The following SH3PXD2B variants were observed in gnomAD, a reference collection of about 807,000 sequenced individuals.
SH3PXD2B encodes SH3 and PX domain-containing protein 2B.
In SH3PXD2B, 37 loss-of-function variants were observed where a neutral mutation model predicts 73.1. That is an observed-to-expected ratio of 0.51 (90% CI 0.39 to 0.67). The LOEUF (loss-of-function observed/expected upper bound fraction) is 0.67, where lower values mean the gene tolerates loss of function less well. Ranked by LOEUF, SH3PXD2B falls within the 30% of genes least tolerant of loss-of-function variation. The probability of loss-of-function intolerance (pLI) is 0.00; values close to 1 mark genes in which losing one functional copy is unlikely to be tolerated. For synonymous variants in SH3PXD2B, 457 were observed against 480.5 expected, an observed-to-expected ratio of 0.95 and a Z score of 0.64; for missense variants, 1,053 against 1,197.8, an observed-to-expected ratio of 0.88 and a Z score of 1.78.
intron 10 of SH3PXD2B, among the ~76,000 whole-genome samples, chr5:172,349,745 TAGA>T (rs1340705322): frequency 6.6e-6 from 1 of 152,220 alleles, no homozygotes; most frequent in East Asian, 1.9e-4. Context: ...TTAGACTAAT[TAGA>T]AGGTTTCTGG....
intron 1 of SH3PXD2B, among the ~76,000 whole-genome samples, chr5:172,448,061 A>G (rs567262890): frequency 9.5e-4 from 145 of 152,288 alleles, no homozygotes; most frequent in South Asian, 4.4e-3. Flanking sequence ...AGAAAAACCT[A>G]CCCAAGGGGC....
intron 1 of SH3PXD2B, among the ~76,000 whole-genome samples, chr5:172,432,974 G>A (rs115766981): frequency 1.4e-4 from 21 of 150,406 alleles, no homozygotes; most frequent in African/African-American, 4.9e-4. Context: ...ATGTATGTGC[G>A]TTTGTGTGTC....
At chr5:172,426,895 TG>T (rs1340339274) in intron 1 of SH3PXD2B, among the ~76,000 whole-genome samples, 1 of 152,236 alleles carries the variant, frequency 6.6e-6, no homozygotes, top group East Asian at 1.9e-4. Context: ...ATTTCCCAGA[TG>T]CAAGACAAAA....
chr5:172,378,140 C>T (rs1026183966), intron 5 of SH3PXD2B, among the ~76,000 whole-genome samples: 2 of 152,208 alleles, frequency 1.3e-5, no homozygotes, highest in Non-Finnish European at 1.5e-5. Context: ...CCTTTGTCCC[C>T]GAGTGTCCTT....
downstream of SH3PXD2B, among the ~76,000 whole-genome samples, chr5:172,329,535 T>C (rs144670879): frequency 1.2e-3 from 139 of 114,210 alleles, 2 homozygotes; most frequent in East Asian, 0.027. Flanking sequence ...TGGATCTTTG[T>C]TATTCTTTTT....
chr5:172,406,311 C>G lies in SH3PXD2B; in HGVS notation c.198G>C (p.Lys66Asn). The change falls in exon 3 of 13, where the codon AAG becomes AAC. Residue 66 changes from lysine to asparagine, a missense_variant. Lys to Asn is a moderately conservative substitution (Grantham distance 94). Coordinates refer to ENST00000311601, the MANE Select transcript of SH3PXD2B (RefSeq NM_001017995.3). ...AGGGGATGATCCGCTGCTTGGGGTC[C>G]TTCTGTCCTCCTTCCATGGGAAATT... Reference protein sequence around the residue: ...LDKFPMEGGQKDPKQRIIPFL... With the variant: ...LDKFPMEGGQNDPKQRIIPFL... The G allele has an allele frequency of 6.2e-7, 1 of 1,614,108 alleles. No individual in the cohort carries two copies. The highest frequency in any genetic ancestry group is 1.1e-5 in the South Asian group (1 of 91,082).
At chr5:172,364,102 G>A (rs1434365024) in intron 6 of SH3PXD2B, among the ~76,000 whole-genome samples, 1 of 152,126 alleles carries the variant, frequency 6.6e-6, no homozygotes. Context: ...CCCTGGTTAA[G>A]CGCTAAGACA....
intron 8 of SH3PXD2B, chr5:172,356,648 G>C (rs1757283639): frequency 6.6e-6 from 1 of 152,308 alleles, no homozygotes; most frequent in Non-Finnish European, 1.5e-5. Flanking sequence ...GCAGGGACCT[G>C]GGTCCAAACA....
intron 1 of SH3PXD2B, among the ~76,000 whole-genome samples, chr5:172,431,951 C>A (rs770423363): frequency 6.6e-6 from 1 of 152,076 alleles, no homozygotes; most frequent in Admixed American, 6.6e-5. Context: ...CCAAGGTGAG[C>A]GGATCACCTG....
rs886060418 is a variant in SH3PXD2B at position 172,337,714 on chromosome 5, T to TAGA, written c.*652_*654dup. 47 of 992,114 alleles carry TAGA rather than the reference T, an allele frequency of 4.7e-5. No individual in the cohort carries two copies. The highest frequency in any genetic ancestry group is 5.2e-5 in the Non-Finnish European group (43 of 834,066). The allele number at this position is 992,114 out of a possible 1,614,324, so 61.5% of individuals were successfully genotyped here. ...TTCAGGGCTGACCACGGTCCCAAGA[T>TAGA]AGAAGGTGGGAGGCAGGGCGGCTGA... On this transcript the variant is annotated 3_prime_UTR_variant, in exon 13 of 13. Coordinates refer to ENST00000311601, the MANE Select transcript of SH3PXD2B (RefSeq NM_001017995.3).
At chr5:172,453,019 T>C (rs949949710) in intron 1 of SH3PXD2B, among the ~76,000 whole-genome samples, 4 of 152,150 alleles carry the variant, frequency 2.6e-5, no homozygotes, top group African/African-American at 9.7e-5. Flanking sequence ...CAGCACACCC[T>C]TTCTTGTGGA....
intron 4 of SH3PXD2B, among the ~76,000 whole-genome samples, chr5:172,388,309 C>T (rs1376294967): frequency 6.6e-6 from 1 of 152,110 alleles, no homozygotes; most frequent in Non-Finnish European, 1.5e-5. Flanking sequence ...TATGATAGAT[C>T]AAATTGGCTT....
chr5:172,396,056 G>A (rs1215730793), intron 3 of SH3PXD2B, among the ~76,000 whole-genome samples: 1 of 152,020 alleles, frequency 6.6e-6, no homozygotes, highest in Non-Finnish European at 1.5e-5. Context: ...GGATGGCATA[G>A]AAAAGTCTAG....
chr5:172,355,013 T>C (rs1395077591), intron 8 of SH3PXD2B, among the ~76,000 whole-genome samples: 1 of 152,170 alleles, frequency 6.6e-6, no homozygotes, highest in African/African-American at 2.4e-5. Flanking sequence ...CAGTGTTATC[T>C]GCTCTGGCAG....
At chr5:172,326,206 C>A (rs1159731294) in intron 12 of SH3PXD2B, among the ~76,000 whole-genome samples, 1 of 152,208 alleles carries the variant, frequency 6.6e-6, no homozygotes, top group Non-Finnish European at 1.5e-5. Flanking sequence ...AACTAACATG[C>A]ACCACCCAAC....
chr5:172,416,383 C>T (rs993225959), intron 2 of SH3PXD2B, among the ~76,000 whole-genome samples: 1 of 150,780 alleles, frequency 6.6e-6, no homozygotes, highest in Non-Finnish European at 1.5e-5. Context: ...AGCTGGAGTG[C>T]AGTGCACGAT....
intron 3 of SH3PXD2B, among the ~76,000 whole-genome samples, chr5:172,403,947 G>A (rs1360376860): frequency 6.6e-6 from 1 of 152,230 alleles, no homozygotes; most frequent in African/African-American, 2.4e-5. Context: ...CTCAGAGGGG[G>A]ATGTCGCTTG....
At chr5:172,388,294 CT>C (rs1581299374) in intron 4 of SH3PXD2B, among the ~76,000 whole-genome samples, 2 of 152,266 alleles carry the variant, frequency 1.3e-5, no homozygotes, top group East Asian at 1.9e-4. Context: ...TAAAATAAAG[CT>C]AGTTATGATA....
Position 172,334,071 on chromosome 5 carries a change from G to T in SH3PXD2B, c.*4298C>A. The T allele has an allele frequency of 8.7e-7, 1 of 1,148,518 alleles. No homozygotes were observed. The highest frequency in any genetic ancestry group is 1.1e-6 in the Non-Finnish European group (1 of 927,630). The allele number at this position is 1,148,518 out of a possible 1,614,324, so 71.1% of individuals were successfully genotyped here. A position where few individuals can be genotyped will look rare whatever the true frequency, so the allele number is the denominator to read the frequency against. ...ACTGCGTTTGGCCTCTTTGAGGACA[G>T]AAGAGGTTGAGCCCCTCATCCCTGA... On this transcript the variant is annotated 3_prime_UTR_variant, in exon 13 of 13. Coordinates refer to ENST00000311601, the MANE Select transcript of SH3PXD2B (RefSeq NM_001017995.3).
Sources: gnomAD v4.1 joint callset for allele counts (sites outside exome capture counted in the v4.1 genomes callset) on GRCh38, gnomAD v4.1.1 for gene constraint, MANE v1.5 for transcripts, NCBI Gene and HGNC (gene_info 2026-07-23, HGNC 2026-07-21) for gene names.